The following DGCR2 variants were observed in gnomAD, a reference collection of about 807,000 sequenced individuals.
DGCR2 encodes integral membrane protein DGCR2/IDD.
Under a neutral mutation model 51.6 loss-of-function variants are expected in DGCR2, and 24 were observed. The ratio of observed to expected loss-of-function variants is 0.47; its 90% CI spans 0.34 to 0.65. The LOEUF is 0.65. Among genes scored for constraint, DGCR2 ranks in the 30% least tolerant of loss-of-function variants. The pLI is 0.01. For synonymous variants in DGCR2, 340 were observed against 315.4 expected (o/e 1.08, Z -0.82); for missense variants, 765 against 772.1 (o/e 0.99, Z 0.11).
At position 19,122,392 on chromosome 22, in the gene DGCR2, G is replaced by C. The variant is rs550575105; in HGVS notation, c.-186C>G. The C allele has an allele frequency of 1.6e-5, 7 of 436,512 alleles. No individual in the cohort carries two copies. The South Asian group carries it at 2.1e-4, about 13-fold the overall frequency. 27.0% of individuals were successfully genotyped at this position (436,512 alleles called of 1,614,324 possible). ...ACTCTCGGCTGCAACCTCAGGCACC[G>C]ACTCCAGCTGCGCGCAAGATGGCGG... On this transcript the variant is annotated 5_prime_UTR_variant, in exon 1 of 10. Transcript: ENST00000263196.
intron 2 of DGCR2, among the ~76,000 whole-genome samples, chr22:19,086,693 G>C (rs1490201057): frequency 1.3e-5 from 2 of 151,988 alleles, no homozygotes; most frequent in Non-Finnish European, 2.9e-5. Context: ...GCTCAGCCCT[G>C]GTGCAGGCCA....
At chr22:19,041,634 G>A in intron 8 of DGCR2, 173 bp downstream of exon 8, 2 of 767,536 alleles carry the variant, frequency 2.6e-6, no homozygotes, top group Non-Finnish European at 4.2e-6. Flanking sequence ...TGGGAATAAG[G>A]AGGGTCTTGG....
chr22:19,046,049 C>T (rs1461132925), intron 7 of DGCR2: 2 of 152,150 alleles, frequency 1.3e-5, no homozygotes, highest in African/African-American at 2.4e-5. Flanking sequence ...TTAGAATTAG[C>T]TTGTCAATAC....
chr22:19,039,899 AAGG>A (rs10541341), intron 9 of DGCR2, among the ~76,000 whole-genome samples: 26,866 of 151,794 alleles, frequency 0.18, 2,512 homozygotes, highest in South Asian at 0.29. Context: ...TTTTGTGGAG[AAGG>A]AGGTCTCACA....
At chr22:19,061,298 G>C (rs1432691778) in intron 5 of DGCR2, 1 of 153,192 alleles carries the variant, frequency 6.5e-6, no homozygotes, top group East Asian at 1.9e-4. Flanking sequence ...CTTGCTTTTG[G>C]TACAGGAATT....
chr22:19,046,129 C>T (rs977764957), intron 7 of DGCR2: 18 of 152,220 alleles, frequency 1.2e-4, no homozygotes, highest in African/African-American at 4.3e-4. Context: ...AGCTAACCTC[C>T]TAATGATATT....
At chr22:19,103,453 C>T (rs1302977436) in intron 1 of DGCR2, among the ~76,000 whole-genome samples, 3 of 101,500 alleles carry the variant, frequency 3.0e-5, no homozygotes, top group East Asian at 3.1e-4. Context: ...TTTTTTGAGC[C>T]GGAGTCTCGC....
intron 1 of DGCR2, among the ~76,000 whole-genome samples, chr22:19,104,167 T>C (rs184401160): frequency 2.2e-4 from 33 of 152,262 alleles, no homozygotes; most frequent in Non-Finnish European, 4.0e-4. Context: ...GACACCTCAG[T>C]ATTATCATGA....
At chr22:19,047,566 T>G (rs2082503506) in intron 7 of DGCR2, 1 of 152,162 alleles carries the variant, frequency 6.6e-6, no homozygotes, top group African/African-American at 2.4e-5. Context: ...GAGATCTGAA[T>G]TCACACAGAG....
chr22:19,041,392 C>CCTGAGTGCA (rs1469287890), intron 8 of DGCR2, 98 bp from the exon 9 acceptor site: 3 of 1,201,590 alleles, frequency 2.5e-6, no homozygotes, highest in Non-Finnish European at 3.6e-6. Flanking sequence ...GCCTGCCGTC[C>CCTGAGTGCA]CTGAGTGCAC....
At chr22:19,116,588 C>G (rs2083375847) in intron 1 of DGCR2, among the ~76,000 whole-genome samples, 1 of 152,194 alleles carries the variant, frequency 6.6e-6, no homozygotes, top group African/African-American at 2.4e-5. Context: ...GGACGGTCAT[C>G]AAAACCTCAG....
chr22:19,062,266 C>G (rs752006548), intron 5 of DGCR2, among the ~76,000 whole-genome samples: 1 of 152,124 alleles, frequency 6.6e-6, no homozygotes, highest in Non-Finnish European at 1.5e-5. Flanking sequence ...TGAGCAGGAT[C>G]GGGACAGCAG....
chr22:19,042,242 T>C (rs2082440725), intron 7 of DGCR2, among the ~76,000 whole-genome samples: 1 of 152,116 alleles, frequency 6.6e-6, no homozygotes, highest in Admixed American at 6.5e-5. Context: ...CGGAGCAAAC[T>C]AGGATTTCCT....
At chr22:19,092,343 T>TAA (rs11396459) in intron 1 of DGCR2, among the ~76,000 whole-genome samples, 122 of 146,702 alleles carry the variant, frequency 8.3e-4, no homozygotes, top group African/African-American at 2.2e-3. Flanking sequence ...GACTCCATCT[T>TAA]AAAAAAAAAA....
intron 5 of DGCR2, among the ~76,000 whole-genome samples, chr22:19,062,774 T>TTCTCTCTCTCTC (rs1569052709): frequency 9.7e-5 from 11 of 113,870 alleles, no homozygotes; most frequent in Admixed American, 5.4e-4. Context: ...CACACATGCA[T>TTCTCTCTCTCTC]GCTCACTCTC....
chr22:19,099,220 A>T (rs900928983), intron 1 of DGCR2, among the ~76,000 whole-genome samples: 1 of 152,212 alleles, frequency 6.6e-6, no homozygotes. Flanking sequence ...GCTTGCATCC[A>T]GCACAGCACA....
intron 1 of DGCR2, among the ~76,000 whole-genome samples, chr22:19,092,993 GA>G (rs1440424076): frequency 1.8e-3 from 98 of 53,694 alleles, no homozygotes; most frequent in East Asian, 0.018. Context: ...GAAGAAAGAA[GA>G]GAAGAAGGAG....
chr22:19,051,692 T>C (rs544694337), intron 6 of DGCR2, among the ~76,000 whole-genome samples: 86 of 152,248 alleles, frequency 5.6e-4, no homozygotes, highest in Middle Eastern at 3.4e-3. Context: ...CACCACTGCG[T>C]TTGAGCCTGG....
chr22:19,044,019 C>G (rs985629626), intron 7 of DGCR2, among the ~76,000 whole-genome samples: 1 of 152,222 alleles, frequency 6.6e-6, no homozygotes, highest in Non-Finnish European at 1.5e-5. Context: ...GGACTGGTGA[C>G]GTGCCTGTTC....
Sources: allele counts gnomAD v4.1 joint callset (sites outside exome capture counted in the v4.1 genomes callset), GRCh38; gene constraint gnomAD v4.1.1; transcripts MANE v1.5; gene names NCBI Gene and HGNC (gene_info 2026-07-23, HGNC 2026-07-21).